Variants in INPP4A observed in about 807,000 individuals in gnomAD.
The protein encoded by INPP4A is inositol polyphosphate-4-phosphatase type I A, also known as inositol polyphosphate-4-phosphatase, type I, 107kD.
In INPP4A, 33 loss-of-function variants were observed where a neutral mutation model predicts 119.8. That is an observed-to-expected ratio of 0.28 (90% CI 0.21 to 0.37). INPP4A has a LOEUF of 0.37. Ranked by LOEUF, INPP4A falls within the 10% of genes least tolerant of loss-of-function variation. The pLI is 1.00. For missense variants in INPP4A, 956 were observed against 1,289.9 expected (o/e 0.74, Z 3.97); for synonymous variants, 496 against 500.7 (o/e 0.99, Z 0.12).
At chr2:98,555,935 C>A in intron 16 of INPP4A, 127 bp downstream of exon 16, 1 of 1,175,972 alleles carries the variant, frequency 8.5e-7, no homozygotes, top group Non-Finnish European at 1.2e-6. Flanking sequence ...CCAGGTGGAG[C>A]GGGGGCGTCC....
At position 98,502,917 on chromosome 2, in the gene INPP4A, T is replaced by C. The variant is rs181909378; in HGVS notation, c.-165-16047T>C. Among the ~76,000 whole-genome samples, 13 of 152,324 alleles carry C rather than the reference T, an allele frequency of 8.5e-5. No individual in the cohort carries two copies. In the East Asian group the frequency reaches 2.5e-3, roughly 29 times the overall value. ...TTTTGTTGTTTTTGAGTTATTGGAT[T>C]TTATTTTATATTTGCAGAATCAGTG... On this transcript the variant is annotated intron_variant, in intron 1 of 24. Transcript: ENST00000409851.
chr2:98,445,957 C>T (rs1694107678), intron 1 of INPP4A, among the ~76,000 whole-genome samples: 1 of 152,226 alleles, frequency 6.6e-6, no homozygotes, highest in South Asian at 2.1e-4. Context: ...TCGCCTGCCC[C>T]TCAGGGCATT....
At chr2:98,462,439 C>A (rs1673764942) in intron 1 of INPP4A, among the ~76,000 whole-genome samples, 1 of 152,102 alleles carries the variant, frequency 6.6e-6, no homozygotes, top group Non-Finnish European at 1.5e-5. Flanking sequence ...CAGATGGAGA[C>A]TCTGTCTCAA....
At chr2:98,506,458 T>A (rs77128953) in intron 1 of INPP4A, among the ~76,000 whole-genome samples, 1,701 of 151,234 alleles carry the variant, frequency 0.011, 22 homozygotes, top group Middle Eastern at 0.027. Flanking sequence ...AGTCAAAACA[T>A]GTGGGCAGCA....
At chr2:98,584,158 A>T (rs942479435) in intron 24 of INPP4A, among the ~76,000 whole-genome samples, 4 of 152,202 alleles carry the variant, frequency 2.6e-5, no homozygotes, top group African/African-American at 9.7e-5. Flanking sequence ...GCCTGTGATT[A>T]TTTGAAAGGC....
rs150792007 is a variant in INPP4A, at chr2:98,453,696, G to A, written c.-166+8611G>A. 3.0e-4 allele frequency among the ~76,000 whole-genome samples: 46 copies of A among 152,306 alleles called. No individual in the cohort carries two copies. In the East Asian group the frequency reaches 7.7e-3, roughly 26 times the overall value. On this transcript the variant is annotated intron_variant, in intron 1 of 24. Transcript: ENST00000409851. ...GAACCAATGACCTAAAACCAGAGGA[G>A]ACTTTCAGTGGTGAGGGCCAGTGGG...
chr2:98,509,087 C>T (rs1684645530), intron 1 of INPP4A, among the ~76,000 whole-genome samples: 1 of 152,180 alleles, frequency 6.6e-6, no homozygotes. Flanking sequence ...CCATTGTGGG[C>T]CTCAGGTTGT....
rs890491226 is a variant in INPP4A, at chr2:98,447,357, C to T, written c.-166+2272C>T. Among the ~76,000 whole-genome samples, 6 of 137,222 alleles carry T rather than the reference C, an allele frequency of 4.4e-5. No individual in the cohort carries two copies. In the East Asian group the frequency reaches 6.4e-4, roughly 15 times the overall value. 90.0% of individuals were successfully genotyped at this position (137,222 alleles called of 152,430 possible). The stretch of plus-strand genomic sequence containing the variant: ...AATGAGCTGGTCTTGAGAGAGCCTT[C>T]GAAACGGCTTTTTTTTTCAGTGTCC... On this transcript the variant is annotated intron_variant, in intron 1 of 24. Coordinates refer to ENST00000409851, the MANE Select transcript of INPP4A (RefSeq NM_001134225.2).
intron 1 of INPP4A, among the ~76,000 whole-genome samples, chr2:98,503,701 C>G (rs1283548211): frequency 6.6e-6 from 1 of 152,198 alleles, no homozygotes. Flanking sequence ...TGGACAGTTC[C>G]AGATTACAGA....
At chr2:98,519,481 T>G (rs1195362250) in intron 2 of INPP4A, 2 of 152,746 alleles carry the variant, frequency 1.3e-5, no homozygotes, top group African/African-American at 4.8e-5. Flanking sequence ...GCCAGCAGGT[T>G]AGAGTTGTGA....
chr2:98,489,097 A>G (rs1035391844), intron 1 of INPP4A, among the ~76,000 whole-genome samples: 5 of 151,998 alleles, frequency 3.3e-5, no homozygotes, highest in Non-Finnish European at 7.4e-5. Flanking sequence ...ACAAAAGCAG[A>G]GAGTCTCAAA....
At chr2:98,447,481 A>G (rs888555924) in intron 1 of INPP4A, among the ~76,000 whole-genome samples, 1 of 152,180 alleles carries the variant, frequency 6.6e-6, no homozygotes, top group Non-Finnish European at 1.5e-5. Flanking sequence ...TAAGGAAAAT[A>G]CCATCATGAA....
intron 23 of INPP4A, 51 bp from the exon 24 acceptor site, chr2:98,576,938 G>A: frequency 6.3e-7 from 1 of 1,580,152 alleles, no homozygotes. Context: ...GAAGGGTGCT[G>A]CCTTTCTGTG....
At chr2:98,476,158 G>C (rs1677162251) in intron 1 of INPP4A, among the ~76,000 whole-genome samples, 1 of 152,174 alleles carries the variant, frequency 6.6e-6, no homozygotes, top group African/African-American at 2.4e-5. Context: ...GGATAATGAA[G>C]ATTCACATTG....
At chr2:98,515,665 C>T (rs1685978123) in intron 1 of INPP4A, among the ~76,000 whole-genome samples, 1 of 152,230 alleles carries the variant, frequency 6.6e-6, no homozygotes, top group South Asian at 2.1e-4. Flanking sequence ...ATGTGTTAAT[C>T]CTCACCCCTC....
chr2:98,461,898 G>C (rs569575551), intron 1 of INPP4A, among the ~76,000 whole-genome samples: 1 of 152,354 alleles, frequency 6.6e-6, no homozygotes, highest in East Asian at 1.9e-4. Flanking sequence ...CTGGATGCCT[G>C]TTAGCTTCTT....
intron 1 of INPP4A, among the ~76,000 whole-genome samples, chr2:98,472,829 G>C (rs1171148160): frequency 1.3e-5 from 2 of 152,252 alleles, no homozygotes; most frequent in Admixed American, 1.3e-4. Context: ...GGCATGGCTG[G>C]CTGTGGAGTC....
chr2:98,537,098 C>T (rs1206616038), intron 7 of INPP4A, among the ~76,000 whole-genome samples: 2 of 152,130 alleles, frequency 1.3e-5, no homozygotes, highest in Non-Finnish European at 2.9e-5. Context: ...GAGCTAAAGG[C>T]GGCTGATGAT....
intron 9 of INPP4A, 55 bp from the exon 10 acceptor site, chr2:98,539,473 G>A (rs1690978055): frequency 6.4e-7 from 1 of 1,564,640 alleles, no homozygotes; most frequent in Non-Finnish European, 8.7e-7. Flanking sequence ...GAACCCATGA[G>A]GCAGGTCTGC....
Sources: allele counts gnomAD v4.1 joint callset (sites outside exome capture counted in the v4.1 genomes callset), GRCh38; gene constraint gnomAD v4.1.1; transcripts MANE v1.5; gene names NCBI Gene and HGNC (gene_info 2026-07-23, HGNC 2026-07-21).